Variants in CECR2 observed in about 807,000 individuals in gnomAD.
CECR2 encodes CECR2 histone acetyl-lysine reader, also known as chromatin remodeling regulator CECR2.
Under a neutral mutation model 154.5 loss-of-function variants are expected in CECR2, and 30 were observed. The ratio of observed to expected loss-of-function variants is 0.19; its 90% CI spans 0.15 to 0.26. The LOEUF (loss-of-function observed/expected upper bound fraction) is 0.26, where lower values mean the gene tolerates loss of function less well. CECR2 is among the 10% of genes least tolerant of loss of function. The pLI, the probability that CECR2 is intolerant of heterozygous loss-of-function variation, is 1.00. For missense variants in CECR2, 1,743 were observed against 1,829.3 expected, an observed-to-expected ratio of 0.95 and a Z score of 0.86; for synonymous variants, 725 against 683.7, an observed-to-expected ratio of 1.06 and a Z score of -0.94.
upstream of CECR2, among the ~76,000 whole-genome samples, chr22:17,366,146 AAAC>A (rs1490381887): frequency 6.6e-6 from 1 of 152,146 alleles, no homozygotes; most frequent in African/African-American, 2.4e-5. Flanking sequence ...CACAAACAGA[AAAC>A]AGCACGAATG....
intron 9 of CECR2, among the ~76,000 whole-genome samples, chr22:17,532,719 TTTTTTTTTTTTTTTTTG>T: frequency 1.7e-5 from 2 of 115,918 alleles, no homozygotes; most frequent in African/African-American, 6.6e-5. Flanking sequence ...TTTTTTTTTT[TTTTTTTTTTTTTTTTTG>T]AGATGGAGTC....
intron 1 of CECR2, among the ~76,000 whole-genome samples, chr22:17,428,798 T>TGTGTG (rs2054371930): frequency 3.8e-3 from 519 of 136,416 alleles, no homozygotes; most frequent in Non-Finnish European, 6.6e-3. Context: ...ATGTTTTTAT[T>TGTGTG]TGTGTGTGTG....
intron 18 of CECR2, 84 bp downstream of exon 18, chr22:17,552,226 A>G: frequency 7.7e-7 from 1 of 1,297,028 alleles, no homozygotes; most frequent in Non-Finnish European, 1.1e-6. Flanking sequence ...GTTCTGAAAA[A>G]ATGTTTTAAG....
chr22:17,534,999 AAGTT>A (rs546520298), intron 9 of CECR2, among the ~76,000 whole-genome samples: 151 of 151,870 alleles, frequency 9.9e-4, no homozygotes, highest in African/African-American at 3.1e-3. Flanking sequence ...AAAATACAAA[AAGTT>A]AGCCAGGCGT....
intron 1 of CECR2, among the ~76,000 whole-genome samples, chr22:17,372,540 T>C (rs1185435188): frequency 2.0e-5 from 3 of 151,988 alleles, no homozygotes; most frequent in African/African-American, 4.8e-5. Flanking sequence ...GGTGGCGCGC[T>C]CCTGTAATCC....
intron 1 of CECR2, among the ~76,000 whole-genome samples, chr22:17,375,899 GAGCTGAGATCGCGCCATTGCACTCC>G (rs2063113404): frequency 6.6e-6 from 1 of 151,626 alleles, no homozygotes; most frequent in Admixed American, 6.6e-5. Flanking sequence ...AGGTTGCGGT[GAGCTGAGATCGCGCCATTGCACTCC>G]AGCCTGGGCA....
In CECR2 at chr22:17,549,022, T is replaced by C; in HGVS notation, c.3735T>C (p.Ser1245=). 6.2e-7 allele frequency: 1 copy of C among 1,613,952 alleles called. No individual in the cohort carries two copies. Among genetic ancestry groups the C allele is most frequent in the Non-Finnish European group, 8.5e-7 (1 of 1,179,886 alleles). Reference sequence around the variant, plus strand: ...TCTCAGATAAGAATGCCATGGCCAGTCTGCAAGGCTGTGAGACACTGAATG... The same window carrying C: ...TCTCAGATAAGAATGCCATGGCCAGCCTGCAAGGCTGTGAGACACTGAATG... The part of the protein sequence containing the change: ...SLFSDKNAMA[S]LQGCETLNAA... Residue 1245 remains serine (S), a synonymous_variant, in exon 17 of 19, where the codon AGT becomes AGC. Transcript: ENST00000262608.
intron 1 of CECR2, among the ~76,000 whole-genome samples, chr22:17,396,803 G>A (rs1244547179): frequency 6.6e-6 from 1 of 152,178 alleles, no homozygotes; most frequent in Non-Finnish European, 1.5e-5. Flanking sequence ...AGTATAGAAT[G>A]AACAGCCCAG....
At chr22:17,516,750 A>G (rs2056063917) in intron 8 of CECR2, among the ~76,000 whole-genome samples, 1 of 152,114 alleles carries the variant, frequency 6.6e-6, no homozygotes, top group Non-Finnish European at 1.5e-5. Context: ...ACCTGCCACC[A>G]CGCCTGGCTA....
chr22:17,489,011 G>A (rs1335876088), intron 2 of CECR2, among the ~76,000 whole-genome samples: 1 of 151,894 alleles, frequency 6.6e-6, no homozygotes, highest in African/African-American at 2.4e-5. Flanking sequence ...GAGTGCAATG[G>A]TGCTATCTCT....
intron 1 of CECR2, chr22:17,477,144 T>C (rs372725724): frequency 9.6e-6 from 7 of 725,558 alleles, no homozygotes; most frequent in African/African-American, 6.9e-5. Context: ...TTGCAGATGG[T>C]TTATCTCTTG....
intron 8 of CECR2, among the ~76,000 whole-genome samples, chr22:17,523,486 G>A (rs910124747): frequency 2.0e-5 from 3 of 151,858 alleles, no homozygotes; most frequent in African/African-American, 7.3e-5. Context: ...GCTGGGCACG[G>A]TGGCTCACAC....
intron 1 of CECR2, among the ~76,000 whole-genome samples, chr22:17,409,643 C>G (rs2054037088): frequency 1.8e-5 from 2 of 112,496 alleles, no homozygotes; most frequent in Non-Finnish European, 4.3e-5. Context: ...CCTCGCCTCT[C>G]TTCCCAACCC....
chr22:17,538,722 G>A lies in CECR2; in HGVS notation c.1359G>A (p.Gln453=), dbSNP rs1384616850. Residue 453 remains glutamine (Q), a synonymous_variant, in exon 12 of 19, where the codon CAG becomes CAA. Coordinates refer to ENST00000262608, the MANE Select transcript of CECR2 (RefSeq NM_001290047.2). ...VDESYAPNYY[Q]IIKAPMDISS... ...AATCTTATGCCCCTAACTATTATCA[G>A]ATTATTAAGGTAGAAGTTGTCTTTG... is the stretch of plus-strand genomic sequence containing the variant. 1 of 1,613,428 alleles carries A rather than the reference G, an allele frequency of 6.2e-7. No homozygotes were observed. The highest frequency in any genetic ancestry group is 8.5e-7 in the Non-Finnish European group (1 of 1,179,460).
intron 1 of CECR2, among the ~76,000 whole-genome samples, chr22:17,412,888 C>T (rs1265329675): frequency 1.3e-5 from 2 of 152,118 alleles, no homozygotes. Context: ...ATCTGTGCCT[C>T]CACATTCTGT....
intron 1 of CECR2, among the ~76,000 whole-genome samples, chr22:17,470,900 C>T (rs1601412768): frequency 6.6e-6 from 1 of 152,154 alleles, no homozygotes; most frequent in Admixed American, 6.5e-5. Flanking sequence ...GTTCAAAAGT[C>T]TTTGGTGACT....
intron 1 of CECR2, among the ~76,000 whole-genome samples, chr22:17,453,439 T>C (rs1355544516): frequency 6.6e-6 from 1 of 151,834 alleles, no homozygotes; most frequent in Admixed American, 6.6e-5. Flanking sequence ...CGAAATTCCA[T>C]CTCAAAAAAA....
Position 17,474,668 on chromosome 22 carries a change from G to A in CECR2, c.127-2920G>A, listed in dbSNP as rs375875347. 1.2e-4 allele frequency among the ~76,000 whole-genome samples: 19 copies of A among 152,350 alleles called. No homozygotes were observed. The East Asian group carries it at 3.3e-3, about 26-fold the overall frequency. On this transcript the variant is annotated intron_variant, in intron 1 of 18. Coordinates refer to ENST00000262608, the MANE Select transcript of CECR2 (RefSeq NM_001290047.2). ...AGCCAGAAGAGGATGTCTGTGTGCCGAAGGCGGAGATGGAGAAAAAGGTAA... is the reference window on the plus strand; with the variant it reads ...AGCCAGAAGAGGATGTCTGTGTGCCAAAGGCGGAGATGGAGAAAAAGGTAA...
At chr22:17,496,323 C>T (rs561533634) in intron 2 of CECR2, among the ~76,000 whole-genome samples, 4 of 152,058 alleles carry the variant, frequency 2.6e-5, no homozygotes, top group African/African-American at 7.2e-5. Flanking sequence ...CAGTGAAACC[C>T]GGTCTCTACT....
Sources: gnomAD v4.1 joint callset for allele counts (sites outside exome capture counted in the v4.1 genomes callset) on GRCh38, gnomAD v4.1.1 for gene constraint, MANE v1.5 for transcripts, NCBI Gene and HGNC (gene_info 2026-07-23, HGNC 2026-07-21) for gene names.